The following TEX22 variants were observed in gnomAD, a reference collection of about 807,000 sequenced individuals.
The protein encoded by TEX22 is testis expressed 22, also known as testis-expressed protein 22.
A neutral mutation model predicts 11.3 loss-of-function variants in TEX22; 16 were observed. The observed-to-expected ratio is 1.42, with a 90% CI of 0.96 to 2.15. The LOEUF is 2.15. TEX22 is among the 30% of genes most tolerant of loss of function. TEX22 has a pLI of 0.00. For missense variants in TEX22, 220 were observed against 208.6 expected (o/e 1.05, Z -0.34); for synonymous variants, 97 against 92.3 (o/e 1.05, Z -0.29).
intron 2 of TEX22, among the ~76,000 whole-genome samples, chr14:105,402,229 A>T (rs1222488387): frequency 1.3e-5 from 2 of 152,166 alleles, no homozygotes; most frequent in African/African-American, 4.8e-5. Context: ...CCCTTATAGT[A>T]AATCAAGAAA....
intron 2 of TEX22, among the ~76,000 whole-genome samples, chr14:105,400,386 A>G (rs1052546895): frequency 5.9e-5 from 9 of 152,192 alleles, no homozygotes; most frequent in African/African-American, 2.2e-4. Context: ...AAACCAGCAG[A>G]TGCAGTGGCT....
chr14:105,405,382 C>T (rs771918615), intron 2 of TEX22, among the ~76,000 whole-genome samples: 32 of 152,058 alleles, frequency 2.1e-4, no homozygotes, highest in Non-Finnish European at 4.3e-4. Context: ...GAAGGAGATA[C>T]GATGGCAGAT....
At chr14:105,409,120 T>G (rs1389938039) in intron 2 of TEX22, among the ~76,000 whole-genome samples, 1 of 152,010 alleles carries the variant, frequency 6.6e-6, no homozygotes, top group Non-Finnish European at 1.5e-5. Context: ...AGCCCTGGAC[T>G]GCCAGCAACC....
chr14:105,401,096 T>C (rs1329454676), intron 2 of TEX22, among the ~76,000 whole-genome samples: 1 of 152,204 alleles, frequency 6.6e-6, no homozygotes, highest in Non-Finnish European at 1.5e-5. Flanking sequence ...CAGAATTTCA[T>C]AGCCGTAAGG....
At position 105,399,331 on chromosome 14, in the gene TEX22, A is replaced by C; in HGVS notation, c.-10A>C. ...CAGAGGTGTGGACAAGCAGCCTACT[A>C]GGGCTAGAGATGGACAGCAGGAAAC... On this transcript the variant is annotated 5_prime_UTR_variant, in exon 2 of 4. Coordinates refer to ENST00000451127, the MANE Select transcript of TEX22 (RefSeq NM_001195082.2). 6.5e-7 allele frequency: 1 copy of C among 1,533,894 alleles called. No homozygotes were observed. The highest frequency in any genetic ancestry group is 1.2e-5 in the South Asian group (1 of 83,948).
At chr14:105,407,611 C>T (rs930641617) in intron 2 of TEX22, among the ~76,000 whole-genome samples, 2 of 152,136 alleles carry the variant, frequency 1.3e-5, no homozygotes, top group Admixed American at 6.5e-5. Flanking sequence ...GAGGTCAAGC[C>T]ATCCTGCCTA....
At chr14:105,408,078 A>T (rs2081667829) in intron 2 of TEX22, among the ~76,000 whole-genome samples, 1 of 152,186 alleles carries the variant, frequency 6.6e-6, no homozygotes, top group Non-Finnish European at 1.5e-5. Flanking sequence ...ATTACTCATT[A>T]CTTAAATCTT....
intron 2 of TEX22, among the ~76,000 whole-genome samples, chr14:105,405,969 G>A (rs371782186): frequency 5.9e-5 from 9 of 152,314 alleles, no homozygotes; most frequent in African/African-American, 1.2e-4. Flanking sequence ...CAAGTAACCC[G>A]GAAACCAACC....
intron 3 of TEX22, 73 bp from the exon 4 acceptor site, chr14:105,411,587 A>C (rs1555419392): frequency 4.1e-6 from 5 of 1,233,664 alleles, no homozygotes; most frequent in African/African-American, 3.7e-5. Context: ...TGGGCCCTTT[A>C]CCCCGGCGCT....
chr14:105,411,840 C>T lies in TEX22; in HGVS notation c.*7C>T. On this transcript the variant is annotated 3_prime_UTR_variant, in exon 4 of 4. Coordinates refer to ENST00000451127, the MANE Select transcript of TEX22 (RefSeq NM_001195082.2). ...GAGGTCACCCCCTTCCTAAGAGCCC[C>T]ATTCAGCCCATTGTCTGTCTTCCAG... The T allele has an allele frequency of 5.7e-6, 8 of 1,401,580 alleles. No homozygotes were observed. Among genetic ancestry groups the T allele is most frequent in the Non-Finnish European group, 6.5e-6 (7 of 1,072,912 alleles). 86.8% of individuals were successfully genotyped at this position (1,401,580 alleles called of 1,614,324 possible). A position where few individuals can be genotyped will look rare whatever the true frequency, so the allele number is the denominator to read the frequency against.
At chr14:105,407,946 T>G (rs1434843126) in intron 2 of TEX22, among the ~76,000 whole-genome samples, 1 of 152,064 alleles carries the variant, frequency 6.6e-6, no homozygotes, top group Non-Finnish European at 1.5e-5. Context: ...GTTATGGGGC[T>G]CTATCTGCAT....
At chr14:105,406,130 A>G (rs1419650290) in intron 2 of TEX22, among the ~76,000 whole-genome samples, 1 of 152,210 alleles carries the variant, frequency 6.6e-6, no homozygotes, top group Non-Finnish European at 1.5e-5. Flanking sequence ...TGCACACACA[A>G]AAAACATTAA....
In TEX22 at chr14:105,411,693, G is replaced by A. The variant is rs1555419412; in HGVS notation, c.313G>A (p.Glu105Lys). 15 of 1,531,876 alleles carry A rather than the reference G, an allele frequency of 9.8e-6. No homozygotes were observed. The highest frequency in any genetic ancestry group is 2.5e-5 in the East Asian group (1 of 40,054). 94.9% of individuals were successfully genotyped at this position (1,531,876 alleles called of 1,614,324 possible). A position where few individuals can be genotyped will look rare whatever the true frequency, so the allele number is the denominator to read the frequency against. Residue 105 changes from glutamate (E) to lysine (K), a missense_variant, in exon 4 of 4, where the codon GAG becomes AAG. Transcript: ENST00000451127. ...VVQMVAQLVSEDVDKDVLLPH... is the reference protein window; with the variant it reads ...VVQMVAQLVSKDVDKDVLLPH... ...GCAGATGGTAGCCCAGCTGGTGTCGGAGGACGTGGACAAGGACGTGCTCCT... is the reference window on the plus strand; with the variant it reads ...GCAGATGGTAGCCCAGCTGGTGTCGAAGGACGTGGACAAGGACGTGCTCCT...
intron 2 of TEX22, among the ~76,000 whole-genome samples, chr14:105,409,089 C>T (rs2081674561): frequency 6.6e-6 from 1 of 151,960 alleles, no homozygotes; most frequent in South Asian, 2.1e-4. Context: ...TGTGTTTTCT[C>T]CTTGGCAGTG....
At chr14:105,403,389 C>T (rs941816263) in intron 2 of TEX22, among the ~76,000 whole-genome samples, 1 of 152,090 alleles carries the variant, frequency 6.6e-6, no homozygotes, top group African/African-American at 2.4e-5. Context: ...ATCTTAGGTC[C>T]GTGGTTGTGA....
Position 105,399,491 on chromosome 14 carries a change from G to A in TEX22, c.150+1G>A, listed in dbSNP as rs2081611920. ...GCAGGGACTGCAGACTCAGGACTGG[G>A]TAAGCGGAAGGAAACCCTGGCCGAG... On this transcript the variant is annotated splice_donor_variant, in intron 2 of 3. Coordinates refer to ENST00000451127, the MANE Select transcript of TEX22 (RefSeq NM_001195082.2). LOFTEE classifies it high-confidence loss of function. The A allele has an allele frequency of 3.3e-6, 5 of 1,527,098 alleles. No individual in the cohort carries two copies. Among genetic ancestry groups the A allele is most frequent in the Non-Finnish European group, 4.4e-6 (5 of 1,141,372 alleles). 94.6% of individuals were successfully genotyped at this position (1,527,098 alleles called of 1,614,324 possible).
chr14:105,411,808 A>G lies in TEX22; in HGVS notation c.428A>G (p.Glu143Gly). The G allele has an allele frequency of 6.9e-7, 1 of 1,449,534 alleles. No homozygotes were observed. The highest frequency in any genetic ancestry group is 1.3e-5 in the South Asian group (1 of 76,626). The allele number at this position is 1,449,534 out of a possible 1,614,324, so 89.8% of individuals were successfully genotyped here. Reference protein sequence around the residue: ...SAPFWHNATFEASRSPPS With the variant: ...SAPFWHNATFGASRSPPS ...CCTTTCTGGCATAATGCGACTTTCG[A>G]GGCCTCGAGGTCACCCCCTTCCTAA... Residue 143 changes from glutamate (E) to glycine (G), a missense_variant, in exon 4 of 4, where the codon GAG becomes GGG. Glu to Gly is a moderately conservative substitution (Grantham distance 98). Coordinates refer to ENST00000451127, the MANE Select transcript of TEX22 (RefSeq NM_001195082.2).
chr14:105,399,746 G>A (rs1488908058), intron 2 of TEX22, among the ~76,000 whole-genome samples: 1 of 152,198 alleles, frequency 6.6e-6, no homozygotes, highest in Non-Finnish European at 1.5e-5. Flanking sequence ...TCCAAGGCCA[G>A]GAAGGAGGCA....
At chr14:105,408,589 A>G (rs1309126494) in intron 2 of TEX22, among the ~76,000 whole-genome samples, 1 of 151,994 alleles carries the variant, frequency 6.6e-6, no homozygotes, top group Non-Finnish European at 1.5e-5. Context: ...ATGCTGGGCT[A>G]ATTTTTGTAT....
Sources: allele counts gnomAD v4.1 joint callset (sites outside exome capture counted in the v4.1 genomes callset), GRCh38; gene constraint gnomAD v4.1.1; transcripts MANE v1.5; gene names NCBI Gene and HGNC (gene_info 2026-07-23, HGNC 2026-07-21).